GALNT6: variants seen among roughly 807,000 people sequenced by gnomAD.
GALNT6 encodes the protein GalNAc transferase 6.
In GALNT6, 51 loss-of-function variants were observed where a neutral mutation model predicts 65.9. The observed-to-expected ratio is 0.77, with a 90% CI of 0.62 to 0.98. The LOEUF is 0.98. GALNT6 is among the 50% of genes least tolerant of loss of function. The pLI, the probability that GALNT6 is intolerant of heterozygous loss-of-function variation, is 0.00. For synonymous variants in GALNT6, 323 were observed against 315.1 expected (o/e 1.02, Z -0.26); for missense variants, 708 against 803.3 (o/e 0.88, Z 1.43).
chr12:51,368,231 C>T lies in GALNT6; in HGVS notation c.665-2652G>A, dbSNP rs74093884. On this transcript the variant is annotated intron_variant, in intron 4 of 11. Coordinates refer to ENST00000356317, the MANE Select transcript of GALNT6 (RefSeq NM_007210.4). ...TGGTCTCTGCTTCCTCTCGCAGTCA[C>T]CCAAGGCCTTGCCATTTCCCTGTGT... Among the ~76,000 whole-genome samples, 879 of 144,038 alleles carry T rather than the reference C, an allele frequency of 6.1e-3. 11 individuals are homozygous for T. Among genetic ancestry groups the T allele is most frequent in the African/African-American group, 0.02 (821 of 40,594 alleles). The allele number at this position is 144,038 out of a possible 152,430, so 94.5% of individuals were successfully genotyped here. A position where few individuals can be genotyped will look rare whatever the true frequency, so the allele number is the denominator to read the frequency against.
intron 4 of GALNT6, among the ~76,000 whole-genome samples, chr12:51,376,633 CAAAAAA>C (rs35109462): frequency 6.0e-5 from 5 of 84,000 alleles, no homozygotes; most frequent in Non-Finnish European, 1.2e-4. Context: ...AACTCCATCT[CAAAAAA>C]AAAAAAAAAA....
At chr12:51,368,073 G>C (rs1245673568) in intron 4 of GALNT6, among the ~76,000 whole-genome samples, 1 of 151,820 alleles carries the variant, frequency 6.6e-6, no homozygotes, top group Non-Finnish European at 1.5e-5. Context: ...GAAGGCCAAG[G>C]ACTTAATGCA....
At chr12:51,378,417 A>G (rs976324520) in intron 3 of GALNT6, among the ~76,000 whole-genome samples, 2 of 152,060 alleles carry the variant, frequency 1.3e-5, no homozygotes, top group Non-Finnish European at 2.9e-5. Context: ...TCAGCCTTCC[A>G]TAGTGCTGGG....
chr12:51,390,012 C>T (rs888479600), intron 2 of GALNT6, among the ~76,000 whole-genome samples: 2 of 152,074 alleles, frequency 1.3e-5, no homozygotes, highest in Non-Finnish European at 2.9e-5. Context: ...GCCCTGGTGC[C>T]CCTGGAAGCA....
intron 4 of GALNT6, among the ~76,000 whole-genome samples, chr12:51,373,737 C>CACT (rs1171418782): frequency 6.6e-6 from 1 of 152,210 alleles, no homozygotes; most frequent in Admixed American, 6.5e-5. Context: ...CCCTAGAGAT[C>CACT]ACTGCCAAGC....
At chr12:51,371,054 A>AATTTATT (rs1555178908) in intron 4 of GALNT6, among the ~76,000 whole-genome samples, 9,055 of 144,424 alleles carry the variant, frequency 0.063, 343 homozygotes, top group Middle Eastern at 0.11. Flanking sequence ...CCTTTTAAAA[A>AATTTATT]ATTATTATTA....
intron 5 of GALNT6, among the ~76,000 whole-genome samples, chr12:51,365,195 G>A (rs1221845800): frequency 6.6e-6 from 1 of 152,182 alleles, no homozygotes; most frequent in Non-Finnish European, 1.5e-5. Flanking sequence ...GTGATCACTG[G>A]AAATCACTTC....
intron 2 of GALNT6, among the ~76,000 whole-genome samples, chr12:51,381,580 T>C (rs963741514): frequency 6.6e-6 from 1 of 152,236 alleles, no homozygotes; most frequent in East Asian, 1.9e-4. Context: ...GGACAAAGCT[T>C]AGCAGTCTCT....
chr12:51,370,504 C>A lies in GALNT6; in HGVS notation c.665-4925G>T, dbSNP rs185373133. On this transcript the variant is annotated intron_variant, in intron 4 of 11. Transcript: ENST00000356317. ...GAGCCAAGATTGCGCCAATGGGCAA[C>A]AAGAACGAACTCCATCTCAAAAAAA... 2.6e-5 allele frequency among the ~76,000 whole-genome samples: 4 copies of A among 152,302 alleles called. No homozygotes were observed. In the East Asian group the frequency reaches 7.7e-4, roughly 29 times the overall value.
At chr12:51,362,702 G>A (rs1946961241) in intron 6 of GALNT6, among the ~76,000 whole-genome samples, 1 of 152,164 alleles carries the variant, frequency 6.6e-6, no homozygotes. Flanking sequence ...CAAACATTGG[G>A]TCAGTGGAAA....
intron 4 of GALNT6, among the ~76,000 whole-genome samples, chr12:51,368,265 C>T (rs1340303662): frequency 1.3e-5 from 2 of 151,986 alleles, no homozygotes; most frequent in Non-Finnish European, 2.9e-5. Context: ...GTGTGAGATC[C>T]CGGGAGGGAA....
In GALNT6 at chr12:51,357,351, G is replaced by C. The variant is rs763456053; in HGVS notation, c.1600C>G (p.Gln534Glu). The part of the protein sequence containing the change: ...MYSCHGLGGN[Q>E]YFEYTTQRDL... ...CCGGAGATGGGTGGGCTGCATACCT[G>C]GTTGCCGCCAAGGCCGTGGCAGGAG... The change falls in exon 10 of 12, where the codon CAG (glutamine) becomes GAG (glutamate). Residue 534 changes from glutamine (Q) to glutamate (E), a missense_variant and splice_region_variant. By Grantham distance (29) the Gln-to-Glu change is conservative (BLOSUM62 2). Coordinates refer to ENST00000356317, the MANE Select transcript of GALNT6 (RefSeq NM_007210.4). The C allele has an allele frequency of 3.7e-6, 6 of 1,605,206 alleles. No homozygotes were observed. The highest frequency in any genetic ancestry group is 5.1e-6 in the Non-Finnish European group (6 of 1,171,890).
Position 51,377,183 on chromosome 12 carries a change from C to T in GALNT6, c.664+12G>A, listed in dbSNP as rs779543712. ...GACCCCGGCCCCCTCCTCTGGGCCC[C>T]TCCAGCCTCACCCTCTGTGCTGGCA... On this transcript the variant is annotated intron_variant, in intron 4 of 11. Transcript: ENST00000356317. 8 of 1,612,808 alleles carry T rather than the reference C, an allele frequency of 5.0e-6. No homozygotes were observed. Among genetic ancestry groups the T allele is most frequent in the Non-Finnish European group, 6.8e-6 (8 of 1,179,786 alleles).
chr12:51,362,538 T>G (rs1482435689), intron 6 of GALNT6, among the ~76,000 whole-genome samples: 2 of 151,468 alleles, frequency 1.3e-5, no homozygotes, highest in African/African-American at 4.9e-5. Context: ...GTCTTCCAGT[T>G]GTATGGCCCT....
intron 2 of GALNT6, among the ~76,000 whole-genome samples, chr12:51,381,979 G>A (rs1021776348): frequency 6.6e-6 from 1 of 152,348 alleles, no homozygotes; most frequent in East Asian, 1.9e-4. Flanking sequence ...TGCCTGTGGA[G>A]AGGCCTGGTG....
intron 5 of GALNT6, 107 bp from the exon 6 acceptor site, chr12:51,364,462 C>A (rs556593747): frequency 6.7e-6 from 5 of 750,746 alleles, no homozygotes; most frequent in Non-Finnish European, 1.1e-5. Flanking sequence ...CCACCTACTC[C>A]TGGGTTACAG....
At chr12:51,359,881 C>A (rs1946866574) in intron 7 of GALNT6, 1 of 152,262 alleles carries the variant, frequency 6.6e-6, no homozygotes, top group African/African-American at 2.4e-5. Flanking sequence ...TGGCAGGTGA[C>A]CCTTTTCTAT....
chr12:51,385,194 G>A lies in GALNT6; in HGVS notation c.-103-5310C>T, dbSNP rs569604288. 3.3e-5 allele frequency among the ~76,000 whole-genome samples: 5 copies of A among 152,180 alleles called. No homozygotes were observed. The South Asian group carries it at 1.0e-3, about 32-fold the overall frequency. Reference sequence around the variant, plus strand: ...GTAGAGATGGGGGTCTCACTATGCTGCCCAGGCTGGTCTTCAACTCCTAGG... The same window carrying A: ...GTAGAGATGGGGGTCTCACTATGCTACCCAGGCTGGTCTTCAACTCCTAGG... On this transcript the variant is annotated intron_variant, in intron 2 of 11. Transcript: ENST00000356317.
At chr12:51,381,890 T>C (rs576193610) in intron 2 of GALNT6, among the ~76,000 whole-genome samples, 2 of 152,392 alleles carry the variant, frequency 1.3e-5, no homozygotes, top group Admixed American at 1.3e-4. Context: ...CAAAGCCACG[T>C]TCATTACTCC....
Sources: allele counts gnomAD v4.1 joint callset (sites outside exome capture counted in the v4.1 genomes callset), GRCh38; gene constraint gnomAD v4.1.1; transcripts MANE v1.5; gene names NCBI Gene and HGNC (gene_info 2026-07-23, HGNC 2026-07-21).